The following AP1G1 variants were observed in gnomAD, a reference collection of about 807,000 sequenced individuals.
AP1G1 encodes the protein adaptor related protein complex 1 subunit gamma 1, also known as AP-1 complex subunit gamma-1.
Under a neutral mutation model 108.3 loss-of-function variants are expected in AP1G1, and 7 were observed. The ratio of observed to expected loss-of-function variants is 0.06; its 90% CI spans 0.04 to 0.12. The LOEUF is 0.12. Ranked by LOEUF, AP1G1 falls within the 10% of genes least tolerant of loss-of-function variation. The pLI, the probability that AP1G1 is intolerant of heterozygous loss-of-function variation, is 1.00. For synonymous variants in AP1G1, 379 were observed against 353.5 expected (o/e 1.07, Z -0.81); for missense variants, 756 against 1,010.7 (o/e 0.75, Z 3.42).
At position 71,764,551 on chromosome 16, in the gene AP1G1, G is replaced by C. The variant is rs547018376; in HGVS notation, c.819+95C>G. 245 of 1,257,040 alleles carry C rather than the reference G, an allele frequency of 1.9e-4. No homozygotes were observed. In the African/African-American group the frequency reaches 3.1e-3, roughly 16 times the overall value. 77.9% of individuals were successfully genotyped at this position (1,257,040 alleles called of 1,614,324 possible). A position where few individuals can be genotyped will look rare whatever the true frequency, so the allele number is the denominator to read the frequency against. ...ATTTTGTGATTACAGCTATGAATGA[G>C]GAAACACAAATAAAAACTGCTCCAT... is the stretch of plus-strand genomic sequence containing the variant. On this transcript the variant is annotated intron_variant, in intron 8 of 22. Transcript: ENST00000299980.
chr16:71,778,562 A>G (rs1315207413), intron 2 of AP1G1, among the ~76,000 whole-genome samples: 1 of 152,060 alleles, frequency 6.6e-6, no homozygotes, highest in African/African-American at 2.4e-5. Flanking sequence ...GTGAGCCTGT[A>G]ATCCCAGCTA....
chr16:71,744,736 C>T (rs939094674), intron 19 of AP1G1, among the ~76,000 whole-genome samples: 8 of 151,886 alleles, frequency 5.3e-5, no homozygotes, highest in African/African-American at 1.2e-4. Flanking sequence ...CCACTTCACC[C>T]GGCTAATTGT....
intron 1 of AP1G1, among the ~76,000 whole-genome samples, chr16:71,804,268 G>A (rs185378877): frequency 6.6e-6 from 1 of 151,830 alleles, no homozygotes; most frequent in Non-Finnish European, 1.5e-5. Context: ...GGATGGTCTC[G>A]ATCTCCTGAC....
chr16:71,733,023 T>G lies in AP1G1; in HGVS notation c.*35A>C. 2 of 1,551,514 alleles carry G rather than the reference T, an allele frequency of 1.3e-6. No homozygotes were observed. The highest frequency in any genetic ancestry group is 1.8e-6 in the Non-Finnish European group (2 of 1,126,766). ...ACCTCCTTCCCAGAGTTCCTTTGAT[T>G]GAGTGGGATAAAGAATGAGAATGGT... On this transcript the variant is annotated 3_prime_UTR_variant, in exon 23 of 23. Coordinates refer to ENST00000299980, the MANE Select transcript of AP1G1 (RefSeq NM_001128.6).
intron 13 of AP1G1, among the ~76,000 whole-genome samples, chr16:71,753,377 CT>C (rs2145442906): frequency 6.6e-6 from 1 of 152,328 alleles, no homozygotes; most frequent in South Asian, 2.1e-4. Flanking sequence ...TCTGGCTCCG[CT>C]TATGTCTCTG....
intron 12 of AP1G1, 43 bp downstream of exon 12, chr16:71,755,976 T>C: frequency 6.3e-7 from 1 of 1,583,740 alleles, no homozygotes. Flanking sequence ...CTTCCAAAAG[T>C]TCCAAGCAGA....
At chr16:71,785,754 C>T (rs1373366199) in intron 2 of AP1G1, among the ~76,000 whole-genome samples, 4 of 151,546 alleles carry the variant, frequency 2.6e-5, no homozygotes, top group Admixed American at 6.6e-5. Context: ...TGGTGGCAGG[C>T]GCCTGTAGTC....
chr16:71,743,964 G>T (rs890965967), intron 19 of AP1G1, among the ~76,000 whole-genome samples: 17 of 145,650 alleles, frequency 1.2e-4, no homozygotes, highest in African/African-American at 4.1e-4. Context: ...AAAAAAAAAG[G>T]CCAGGCGAAG....
intron 11 of AP1G1, among the ~76,000 whole-genome samples, chr16:71,756,667 C>A (rs1408508319): frequency 6.6e-6 from 1 of 152,092 alleles, no homozygotes; most frequent in Non-Finnish European, 1.5e-5. Context: ...CAAGGCCGAG[C>A]GTGGTGGCTC....
In AP1G1 at chr16:71,734,716, G is replaced by A. The variant is rs2045512450; in HGVS notation, c.2269-9C>T. The A allele has an allele frequency of 6.2e-7, 1 of 1,605,710 alleles. No individual in the cohort carries two copies. The highest frequency in any genetic ancestry group is 8.5e-7 in the Non-Finnish European group (1 of 1,172,664). On this transcript the variant is annotated splice_polypyrimidine_tract_variant and intron_variant, in intron 21 of 22. Coordinates refer to ENST00000299980, the MANE Select transcript of AP1G1 (RefSeq NM_001128.6). Reference sequence around the variant, plus strand: ...AGCTGCAGCTGGAATGTCTAGGGGGGAACAAAGGGCACTCTTCAGAAAAAG... The same window carrying A: ...AGCTGCAGCTGGAATGTCTAGGGGGAAACAAAGGGCACTCTTCAGAAAAAG...
intron 1 of AP1G1, chr16:71,808,070 T>G (rs1183693858): frequency 8.5e-7 from 1 of 1,177,750 alleles, no homozygotes; most frequent in Non-Finnish European, 1.1e-6. Flanking sequence ...GGAAACACAA[T>G]CAACCGAACC....
chr16:71,789,586 G>C (rs945325823), intron 1 of AP1G1, 104 bp from the exon 2 acceptor site: 1 of 1,185,808 alleles, frequency 8.4e-7, no homozygotes, highest in Non-Finnish European at 1.2e-6. Flanking sequence ...AAGAATTCAA[G>C]ACTTGCCAAA....
At chr16:71,736,602 T>TTTATTTA (rs1597031525) in intron 21 of AP1G1, among the ~76,000 whole-genome samples, 2 of 134,140 alleles carry the variant, frequency 1.5e-5, no homozygotes, top group East Asian at 4.3e-4. Context: ...TTATTTATTT[T>TTTATTTA]TTGAGACGAG....
At chr16:71,800,967 C>T (rs2032774865) in intron 1 of AP1G1, among the ~76,000 whole-genome samples, 1 of 151,978 alleles carries the variant, frequency 6.6e-6, no homozygotes, top group South Asian at 2.1e-4. Context: ...TGCACTCCAG[C>T]CTGGGCAGCA....
At chr16:71,736,018 C>A (rs1205401973) in intron 21 of AP1G1, among the ~76,000 whole-genome samples, 4 of 145,518 alleles carry the variant, frequency 2.7e-5, no homozygotes, top group African/African-American at 1.0e-4. Context: ...GTAATCCCAG[C>A]TACTCAGGAG....
chr16:71,797,297 C>CT (rs1348680476), intron 1 of AP1G1, among the ~76,000 whole-genome samples: 1 of 151,776 alleles, frequency 6.6e-6, no homozygotes, highest in Non-Finnish European at 1.5e-5. Context: ...ATATGGATGC[C>CT]TTTTTAACTT....
chr16:71,736,030 C>T (rs2045530884), intron 21 of AP1G1, among the ~76,000 whole-genome samples: 1 of 138,416 alleles, frequency 7.2e-6, no homozygotes, highest in Non-Finnish European at 1.5e-5. Flanking sequence ...ACTCAGGAGG[C>T]TGAGGCAAGA....
At chr16:71,777,770 T>A in intron 2 of AP1G1, 2 of 442,518 alleles carry the variant, frequency 4.5e-6, no homozygotes, top group Admixed American at 5.1e-5. Context: ...TGCCTCCTCC[T>A]CCACCTTCTC....
chr16:71,805,338 C>T (rs2032961582), intron 1 of AP1G1, among the ~76,000 whole-genome samples: 1 of 152,040 alleles, frequency 6.6e-6, no homozygotes, highest in African/African-American at 2.4e-5. Context: ...ATCCCAGCTA[C>T]TCGGGAGGCT....
Sources: allele counts gnomAD v4.1 joint callset (sites outside exome capture counted in the v4.1 genomes callset), GRCh38; gene constraint gnomAD v4.1.1; transcripts MANE v1.5; gene names NCBI Gene and HGNC (gene_info 2026-07-23, HGNC 2026-07-21).